PACRG: variants seen among roughly 807,000 people sequenced by gnomAD.
The protein encoded by PACRG is parkin coregulated, also known as parkin coregulated gene protein.
In PACRG, 29 loss-of-function variants were observed where a neutral mutation model predicts 29.7. The observed-to-expected ratio is 0.98, with a 90% confidence interval of 0.73 to 1.33. The LOEUF (loss-of-function observed/expected upper bound fraction) is 1.33. Among genes scored for constraint, PACRG ranks in the 40% most tolerant of loss-of-function variants. PACRG has a pLI of 0.00. For missense variants in PACRG, 279 were observed against 316.2 expected (o/e 0.88, Z 0.89); for synonymous variants, 116 against 118.7 (o/e 0.98, Z 0.15).
intron 2 of PACRG, among the ~76,000 whole-genome samples, chr6:162,976,013 A>G (rs1192312416): frequency 1.3e-5 from 2 of 152,302 alleles, no homozygotes; most frequent in African/African-American, 4.8e-5. Flanking sequence ...TTGAGACAAG[A>G]GCAGAAATTC....
At chr6:162,925,940 T>C (rs970990689) in intron 2 of PACRG, among the ~76,000 whole-genome samples, 1 of 152,060 alleles carries the variant, frequency 6.6e-6, no homozygotes, top group Admixed American at 6.6e-5. Flanking sequence ...TAAGCTGATA[T>C]GCAACTTCAG....
At chr6:162,945,190 A>G (rs1798917000) in intron 2 of PACRG, among the ~76,000 whole-genome samples, 1 of 152,114 alleles carries the variant, frequency 6.6e-6, no homozygotes, top group Admixed American at 6.5e-5. Context: ...AACTGATTAA[A>G]CTTTTCACTT....
intron 3 of PACRG, among the ~76,000 whole-genome samples, chr6:163,069,074 A>G (rs563003560): frequency 3.9e-5 from 6 of 152,234 alleles, no homozygotes; most frequent in East Asian, 1.9e-4. Context: ...CAGTACCTCT[A>G]TGACTCTGCA....
intron 1 of PACRG, among the ~76,000 whole-genome samples, chr6:162,761,667 G>A (rs570562357): frequency 2.6e-5 from 4 of 152,184 alleles, no homozygotes; most frequent in South Asian, 2.1e-4. Flanking sequence ...GGCTGGGCAC[G>A]GTGGCTCACG....
intron 2 of PACRG, among the ~76,000 whole-genome samples, chr6:162,886,552 G>A (rs1794350976): frequency 1.3e-5 from 2 of 152,220 alleles, no homozygotes; most frequent in African/African-American, 4.8e-5. Flanking sequence ...TGATGTGGCA[G>A]CAGCAACATG....
At chr6:162,773,523 T>TTTTG (rs1310559871) in intron 1 of PACRG, among the ~76,000 whole-genome samples, 1 of 134,114 alleles carries the variant, frequency 7.5e-6, no homozygotes, top group East Asian at 2.1e-4. Context: ...TTTTTTTTTT[T>TTTTG]TTGAGACGGA....
chr6:162,968,757 T>C (rs9347713), intron 2 of PACRG, among the ~76,000 whole-genome samples: 101,968 of 151,724 alleles, frequency 0.67, 34,435 homozygotes, highest in East Asian at 0.79. Flanking sequence ...ATCTTCACAG[T>C]AAATTGATAG....
chr6:163,252,273 C>G (rs989907386), intron 4 of PACRG, among the ~76,000 whole-genome samples: 1 of 152,264 alleles, frequency 6.6e-6, no homozygotes, highest in African/African-American at 2.4e-5. Flanking sequence ...CCCCAAGCAT[C>G]GCTGACGCTC....
intron 2 of PACRG, among the ~76,000 whole-genome samples, chr6:162,947,850 G>A (rs1402598670): frequency 6.6e-6 from 1 of 150,694 alleles, no homozygotes; most frequent in Non-Finnish European, 1.5e-5. Flanking sequence ...AACCAAGGAG[G>A]TGAAACACCT....
At chr6:162,882,171 C>A (rs1038230371) in intron 2 of PACRG, among the ~76,000 whole-genome samples, 15 of 146,152 alleles carry the variant, frequency 1.0e-4, no homozygotes, top group Non-Finnish European at 3.0e-5. Flanking sequence ...CGCTCTCCAC[C>A]AAGACCAGAG....
chr6:162,787,694 T>A (rs1432886209), intron 1 of PACRG, among the ~76,000 whole-genome samples: 5 of 148,778 alleles, frequency 3.4e-5, no homozygotes, highest in African/African-American at 1.2e-4. Context: ...TTATTATAAA[T>A]AACCAACATA....
chr6:162,773,493 C>CTTTTTTTT (rs1562582605), intron 1 of PACRG, among the ~76,000 whole-genome samples: 9 of 82,748 alleles, frequency 1.1e-4, no homozygotes, highest in South Asian at 3.6e-4. Flanking sequence ...TACAGCTTGT[C>CTTTTTTTT]ATTTTTTTTT....
chr6:162,734,415 G>T (rs1042615985), intron 1 of PACRG, among the ~76,000 whole-genome samples: 29 of 151,810 alleles, frequency 1.9e-4, no homozygotes, highest in Admixed American at 7.9e-4. Context: ...AATGGCCAGA[G>T]AATTGTTACA....
At chr6:163,133,663 C>T (rs1484212980) in intron 4 of PACRG, among the ~76,000 whole-genome samples, 2 of 152,140 alleles carry the variant, frequency 1.3e-5, no homozygotes, top group East Asian at 1.9e-4. Context: ...GGCTGGGCTG[C>T]GAAGCTGTCG....
chr6:162,746,758 G>C (rs1046732737), intron 1 of PACRG, among the ~76,000 whole-genome samples: 7 of 152,288 alleles, frequency 4.6e-5, no homozygotes, highest in Non-Finnish European at 1.0e-4. Flanking sequence ...TTCTAGCTTA[G>C]TGTGTGAAAG....
At position 162,912,837 on chromosome 6, in the gene PACRG, T is replaced by A. The variant is rs771403371; in HGVS notation, c.291+98556T>A. Among the ~76,000 whole-genome samples the A allele has an allele frequency of 2.6e-5, 4 of 151,492 alleles. 1 individual carries two copies. The highest frequency in any genetic ancestry group is 5.9e-5 in the Non-Finnish European group (4 of 67,904). Reference sequence around the variant, plus strand: ...TGCCTGCCTCGGCTTCCCAAAGTGCTGGGATTACAGGCATGAGCCACTGCA... The same window carrying A: ...TGCCTGCCTCGGCTTCCCAAAGTGCAGGGATTACAGGCATGAGCCACTGCA... On this transcript the variant is annotated intron_variant, in intron 2 of 4. Transcript: ENST00000366888.
At chr6:162,727,711 T>C (rs576793884), upstream of PACRG, 59 of 1,555,872 alleles carry the variant, frequency 3.8e-5, no homozygotes, top group African/African-American at 1.4e-4. Context: ...AACAGGCCCA[T>C]GCGCGCAGCG....
chr6:163,124,114 T>G (rs1165484008), intron 4 of PACRG, among the ~76,000 whole-genome samples: 3 of 152,254 alleles, frequency 2.0e-5, no homozygotes, highest in African/African-American at 7.2e-5. Flanking sequence ...TCTATTCAAG[T>G]CCTTTGCATG....
chr6:162,981,905 A>AATT (rs1265883261), intron 2 of PACRG, among the ~76,000 whole-genome samples: 4 of 124,176 alleles, frequency 3.2e-5, no homozygotes, highest in Non-Finnish European at 5.4e-5. Flanking sequence ...CTGGTCCTGG[A>AATT]TTTTTTTTTT....
Sources: gnomAD v4.1 joint callset for allele counts (sites outside exome capture counted in the v4.1 genomes callset) on GRCh38, gnomAD v4.1.1 for gene constraint, MANE v1.5 for transcripts, NCBI Gene and HGNC (gene_info 2026-07-23, HGNC 2026-07-21) for gene names.